Variants in MEIKIN observed in about 807,000 individuals in gnomAD.
MEIKIN encodes the protein meiotic kinetochore factor.
intron 11 of MEIKIN, among the ~76,000 whole-genome samples, chr5:131,829,250 C>G (rs557108831): frequency 6.6e-6 from 1 of 152,206 alleles, no homozygotes; most frequent in South Asian, 2.1e-4. Context: ...AATAATCAAT[C>G]AAATATGAAG....
intron 8 of MEIKIN, among the ~76,000 whole-genome samples, chr5:131,905,516 G>T (rs1751229200): frequency 1.3e-5 from 2 of 151,900 alleles, no homozygotes; most frequent in South Asian, 4.2e-4. Context: ...TTCTCTAAAA[G>T]AATTAATCTG....
At chr5:131,891,715 A>C (rs899549711) in intron 8 of MEIKIN, among the ~76,000 whole-genome samples, 3 of 152,156 alleles carry the variant, frequency 2.0e-5, no homozygotes, top group Non-Finnish European at 4.4e-5. Flanking sequence ...GCCCATTTAC[A>C]TTTAAGGTTA....
At chr5:131,860,299 G>GTTTTTTTTTTTTTTTTTTTTTTTTTTT (rs1750261008) in intron 9 of MEIKIN, among the ~76,000 whole-genome samples, 1 of 125,798 alleles carries the variant, frequency 7.9e-6, no homozygotes. Flanking sequence ...TTTTTTTTTG[G>GTTTTTTTTTTTTTTTTTTTTTTTTTTT]TTTTGTTGGT....
intron 8 of MEIKIN, among the ~76,000 whole-genome samples, chr5:131,910,107 G>A (rs1336163391): frequency 6.6e-6 from 1 of 151,650 alleles, no homozygotes; most frequent in Non-Finnish European, 1.5e-5. Context: ...TATCAAAGAG[G>A]TATCTGCACT....
chr5:131,892,961 G>A (rs897105285), intron 8 of MEIKIN, among the ~76,000 whole-genome samples: 1 of 152,172 alleles, frequency 6.6e-6, no homozygotes, highest in Non-Finnish European at 1.5e-5. Flanking sequence ...CAGGTCTGTT[G>A]GAGTTTGCTG....
At chr5:131,937,388 G>C (rs767036295) in intron 4 of MEIKIN, among the ~76,000 whole-genome samples, 1 of 152,000 alleles carries the variant, frequency 6.6e-6, no homozygotes. Flanking sequence ...GGTGACAAGA[G>C]AGCCTTGGTG....
intron 8 of MEIKIN, among the ~76,000 whole-genome samples, chr5:131,899,072 T>C (rs1751107237): frequency 1.3e-5 from 2 of 152,150 alleles, no homozygotes; most frequent in Non-Finnish European, 2.9e-5. Flanking sequence ...TGACCTCTAC[T>C]CTTATCTCAA....
At chr5:131,910,226 T>C (rs1368175844) in intron 8 of MEIKIN, among the ~76,000 whole-genome samples, 1 of 152,036 alleles carries the variant, frequency 6.6e-6, no homozygotes, top group African/African-American at 2.4e-5. Context: ...CACAATGGAG[T>C]ACTATTCAGC....
intron 8 of MEIKIN, among the ~76,000 whole-genome samples, chr5:131,906,754 C>T (rs1394420972): frequency 6.6e-6 from 1 of 152,070 alleles, no homozygotes; most frequent in Admixed American, 6.6e-5. Context: ...TCTAAGCAAA[C>T]TAATACAGGA....
chr5:131,890,461 A>C (rs1750890108), intron 8 of MEIKIN, among the ~76,000 whole-genome samples: 1 of 152,196 alleles, frequency 6.6e-6, no homozygotes, highest in Non-Finnish European at 1.5e-5. Flanking sequence ...TTATGTGTCG[A>C]GGAATTTATC....
At chr5:131,932,148 G>A (rs1257378411) in intron 5 of MEIKIN, among the ~76,000 whole-genome samples, 2 of 152,148 alleles carry the variant, frequency 1.3e-5, no homozygotes, top group African/African-American at 4.8e-5. Flanking sequence ...GCTGGGGTGG[G>A]GTGGAAATAA....
At chr5:131,851,005 G>A (rs1750106499) in intron 11 of MEIKIN, among the ~76,000 whole-genome samples, 1 of 152,112 alleles carries the variant, frequency 6.6e-6, no homozygotes, top group African/African-American at 2.4e-5. Flanking sequence ...TGATTTGGCT[G>A]TGATTTCTTG....
At chr5:131,836,726 G>A (rs925821744) in intron 11 of MEIKIN, among the ~76,000 whole-genome samples, 4 of 148,280 alleles carry the variant, frequency 2.7e-5, no homozygotes, top group East Asian at 3.9e-4. Context: ...CATGTCCTTC[G>A]TCCACTTTTT....
At chr5:131,931,851 T>C (rs1751698126) in intron 5 of MEIKIN, among the ~76,000 whole-genome samples, 1 of 152,200 alleles carries the variant, frequency 6.6e-6, no homozygotes, top group Non-Finnish European at 1.5e-5. Flanking sequence ...TGTTTTGATA[T>C]CTCTTTTTAA....
At chr5:131,828,987 G>A (rs972912842) in intron 11 of MEIKIN, among the ~76,000 whole-genome samples, 3 of 151,972 alleles carry the variant, frequency 2.0e-5, no homozygotes, top group Non-Finnish European at 4.4e-5. Flanking sequence ...TATAAAATAA[G>A]CTGAAAGAAA....
chr5:131,900,567 T>C (rs763118595), intron 8 of MEIKIN, among the ~76,000 whole-genome samples: 10 of 152,020 alleles, frequency 6.6e-5, no homozygotes, highest in African/African-American at 1.2e-4. Context: ...CAGTGGAGCA[T>C]AGCCAAGGAC....
intron 11 of MEIKIN, among the ~76,000 whole-genome samples, chr5:131,824,676 A>C (rs1319895923): frequency 3.3e-5 from 5 of 152,222 alleles, no homozygotes; most frequent in Non-Finnish European, 7.3e-5. Flanking sequence ...AGAATTAGTA[A>C]GGAAATTGCC....
intron 12 of MEIKIN, among the ~76,000 whole-genome samples, chr5:131,815,952 T>C (rs1444821396): frequency 6.6e-6 from 1 of 152,238 alleles, no homozygotes. Flanking sequence ...GTTAGGCAAG[T>C]ATCTTTGTTT....
rs144970079 is a variant in MEIKIN at position 131,938,735 on chromosome 5, T to C, written c.349+3900A>G. The stretch of plus-strand genomic sequence containing the variant: ...ACATTTTTCCATCATCCTGAGGATA[T>C]TAATGAAACTGTGGCTTTTTAAAAG... On this transcript the variant is annotated intron_variant, in intron 4 of 12. Coordinates refer to ENST00000442687, the MANE Select transcript of MEIKIN (RefSeq NM_001303622.2). Among the ~76,000 whole-genome samples the C allele has an allele frequency of 5.3e-5, 8 of 152,362 alleles. No individual in the cohort carries two copies. In the East Asian group the frequency reaches 1.5e-3, roughly 29 times the overall value.
Sources: allele counts gnomAD v4.1 joint callset (sites outside exome capture counted in the v4.1 genomes callset), GRCh38; gene constraint gnomAD v4.1.1; transcripts MANE v1.5; gene names NCBI Gene and HGNC (gene_info 2026-07-23, HGNC 2026-07-21).